HSF2BP: variants seen among roughly 807,000 people sequenced by gnomAD.
The protein encoded by HSF2BP is heat shock transcription factor 2 binding protein.
HSF2BP carries 35 observed loss-of-function variants against 35.0 expected under a neutral mutation model. The observed-to-expected ratio is 1.00, with a 90% CI of 0.76 to 1.32. The LOEUF is 1.32. Among genes scored for constraint, HSF2BP ranks in the 40% most tolerant of loss-of-function variants. The pLI is 0.00. For missense variants in HSF2BP, 326 were observed against 321.7 expected (o/e 1.01, Z -0.10); for synonymous variants, 114 against 117.4 (o/e 0.97, Z 0.18).
intron 3 of HSF2BP, among the ~76,000 whole-genome samples, chr21:43,653,602 T>C (rs1284244061): frequency 6.6e-6 from 1 of 152,192 alleles, no homozygotes; most frequent in Non-Finnish European, 1.5e-5. Flanking sequence ...GCTTAGGTTT[T>C]TGGATGATAA....
chr21:43,496,016 T>TGCACACACAC, the HSF2BP span, among the ~76,000 whole-genome samples: 1 of 123,686 alleles, frequency 8.1e-6, no homozygotes, highest in African/African-American at 3.1e-5. Context: ...CAAACACACG[T>TGCACACACAC]GCACACACAC....
At chr21:43,621,943 C>G (rs1202657839) in intron 6 of HSF2BP, among the ~76,000 whole-genome samples, 1 of 152,096 alleles carries the variant, frequency 6.6e-6, no homozygotes, top group East Asian at 1.9e-4. Context: ...GAAACAGAAA[C>G]AATCAGAGCT....
At chr21:43,594,207 T>A (rs1474473316) in intron 7 of HSF2BP, among the ~76,000 whole-genome samples, 1 of 152,116 alleles carries the variant, frequency 6.6e-6, no homozygotes, top group Non-Finnish European at 1.5e-5. Flanking sequence ...TCTCAGACAT[T>A]TTTAAATGTA....
chr21:43,602,005 C>T (rs1372987917), intron 7 of HSF2BP, among the ~76,000 whole-genome samples: 2 of 152,124 alleles, frequency 1.3e-5, no homozygotes, highest in African/African-American at 2.4e-5. Flanking sequence ...GATCGGGCCA[C>T]CAAAATGCAC....
intron 6 of HSF2BP, among the ~76,000 whole-genome samples, chr21:43,621,726 A>G (rs1271421494): frequency 6.6e-6 from 1 of 152,190 alleles, no homozygotes; most frequent in African/African-American, 2.4e-5. Flanking sequence ...TCTTAGAAGA[A>G]ATGCTAAAGG....
chr21:43,575,139 G>A (rs867947863), intron 8 of HSF2BP, among the ~76,000 whole-genome samples: 17 of 152,298 alleles, frequency 1.1e-4, no homozygotes, highest in African/African-American at 4.1e-4. Context: ...TTGGACCTCC[G>A]GGATTTGGAA....
chr21:43,584,995 ATTAT>A (rs557734689), intron 8 of HSF2BP, among the ~76,000 whole-genome samples: 41 of 151,576 alleles, frequency 2.7e-4, no homozygotes, highest in African/African-American at 8.5e-4. Flanking sequence ...ATTTTATTTA[ATTAT>A]TTATTTATTT....
the HSF2BP span, among the ~76,000 whole-genome samples, chr21:43,467,634 C>A: frequency 6.6e-6 from 1 of 151,454 alleles, no homozygotes; most frequent in Non-Finnish European, 1.5e-5. Flanking sequence ...TGCACAGGGG[C>A]CGGGGTCTGA....
chr21:43,614,017 A>C, intron 6 of HSF2BP, 70 bp from the exon 7 acceptor site: 1 of 1,126,460 alleles, frequency 8.9e-7, no homozygotes, highest in South Asian at 1.3e-5. Context: ...TGTGCAGAAC[A>C]GAGTATTTTC....
At chr21:43,649,901 A>T (rs1032469896) in intron 3 of HSF2BP, among the ~76,000 whole-genome samples, 4 of 152,248 alleles carry the variant, frequency 2.6e-5, no homozygotes, top group Non-Finnish European at 4.4e-5. Flanking sequence ...CAAGCTTCAT[A>T]TCAGTTTAAT....
chr21:43,658,369 T>C (rs1043096372), intron 1 of HSF2BP, 49 bp from the exon 2 acceptor site: 2 of 504,828 alleles, frequency 4.0e-6, no homozygotes, highest in Non-Finnish European at 3.5e-6. Context: ...TCAAGTAAAA[T>C]AAATCGGATG....
intron 5 of HSF2BP, among the ~76,000 whole-genome samples, chr21:43,631,876 C>T (rs547539764): frequency 5.3e-4 from 81 of 152,078 alleles, no homozygotes; most frequent in Non-Finnish European, 1.0e-3. Context: ...TGTGCGTGTG[C>T]ACGCTCCCAC....
intron 7 of HSF2BP, among the ~76,000 whole-genome samples, chr21:43,610,591 G>A (rs901305384): frequency 2.6e-5 from 4 of 152,058 alleles, no homozygotes; most frequent in African/African-American, 9.7e-5. Context: ...GGGTAACACA[G>A]CAAGACCCTG....
At chr21:43,637,160 T>A (rs936482144) in intron 4 of HSF2BP, among the ~76,000 whole-genome samples, 2 of 151,930 alleles carry the variant, frequency 1.3e-5, no homozygotes, top group Admixed American at 1.3e-4. Context: ...CTGGAAACAA[T>A]CTAAATGCCC....
chr21:43,658,425 G>A (rs571346407), intron 1 of HSF2BP, 105 bp from the exon 2 acceptor site: 3 of 325,462 alleles, frequency 9.2e-6, no homozygotes, highest in East Asian at 5.5e-5. Context: ...GGGGGACTGC[G>A]TTCAAATGGG....
chr21:43,642,671 G>A (rs2082653093), intron 4 of HSF2BP, among the ~76,000 whole-genome samples: 2 of 152,020 alleles, frequency 1.3e-5, no homozygotes. Context: ...GGGAATAGTT[G>A]GGTAAAATAT....
At chr21:43,628,112 G>A (rs900177776) in intron 6 of HSF2BP, among the ~76,000 whole-genome samples, 1 of 152,030 alleles carries the variant, frequency 6.6e-6, no homozygotes, top group Non-Finnish European at 1.5e-5. Flanking sequence ...ACTGAAATTC[G>A]GACAGTTAAT....
intron 7 of HSF2BP, among the ~76,000 whole-genome samples, chr21:43,594,796 T>C (rs1259853662): frequency 2.0e-5 from 3 of 151,566 alleles, no homozygotes; most frequent in East Asian, 3.9e-4. Flanking sequence ...AAAATCATAA[T>C]AAAAAGAAAA....
At position 43,595,726 on chromosome 21, in the gene HSF2BP, ATTTTTTTTTTTTTTTTTTTT is replaced by A. The variant is rs770855952; in HGVS notation, c.693-3418_693-3399del. Among the ~76,000 whole-genome samples, 5 of 58,450 alleles carry A rather than the reference ATTTTTTTTTTTTTTTTTTTT, an allele frequency of 8.6e-5. No homozygotes were observed. The East Asian group carries it at 3.1e-3, about 36-fold the overall frequency. The allele number at this position is 58,450 out of a possible 152,430, so 38.3% of individuals were successfully genotyped here. The stretch of plus-strand genomic sequence containing the variant: ...AGCATCTTTAAAAATTAAGAGGCTA[ATTTTTTTTTTTTTTTTTTTT>A]TTTTTTTTTTTTTGTGAAACAGAGT... On this transcript the variant is annotated intron_variant, in intron 7 of 8. Coordinates refer to ENST00000291560, the MANE Select transcript of HSF2BP (RefSeq NM_007031.2).
Sources: gnomAD v4.1 joint callset for allele counts (sites outside exome capture counted in the v4.1 genomes callset) on GRCh38, gnomAD v4.1.1 for gene constraint, MANE v1.5 for transcripts, NCBI Gene and HGNC (gene_info 2026-07-23, HGNC 2026-07-21) for gene names.